Variants in GSAP observed in about 807,000 individuals in gnomAD.
GSAP encodes the protein gamma-secretase-activating protein.
Under a neutral mutation model 131.7 loss-of-function variants are expected in GSAP, and 118 were observed. The ratio of observed to expected loss-of-function variants is 0.90; its 90% confidence interval spans 0.77 to 1.04. GSAP has a LOEUF of 1.04. Ranked by LOEUF, GSAP falls within the 50% of genes least tolerant of loss-of-function variation. The probability of loss-of-function intolerance (pLI) is 0.00; values close to 1 mark genes in which losing one functional copy is unlikely to be tolerated. For missense variants in GSAP, 1,019 were observed against 1,013.2 expected (o/e 1.01, Z -0.08); for synonymous variants, 381 against 363.4 (o/e 1.05, Z -0.55).
intron 5 of GSAP, among the ~76,000 whole-genome samples, chr7:77,393,034 C>G (rs909039498): frequency 4.6e-5 from 7 of 151,854 alleles, no homozygotes; most frequent in Admixed American, 4.6e-4. Flanking sequence ...ACTCTGCCAT[C>G]TCTACAGCCA....
At chr7:77,395,860 G>A (rs986469495) in intron 5 of GSAP, among the ~76,000 whole-genome samples, 2 of 152,200 alleles carry the variant, frequency 1.3e-5, no homozygotes, top group African/African-American at 4.8e-5. Flanking sequence ...AGGAATTTAA[G>A]TGTCAAATAA....
chr7:77,351,535 C>T, intron 18 of GSAP: 2 of 984,614 alleles, frequency 2.0e-6, no homozygotes, highest in South Asian at 9.4e-5. Flanking sequence ...TTAAGGTAAC[C>T]TAGTCCAACC....
chr7:77,405,358 T>G (rs1462350025), intron 2 of GSAP, among the ~76,000 whole-genome samples: 1 of 152,298 alleles, frequency 6.6e-6, no homozygotes, highest in East Asian at 1.9e-4. Flanking sequence ...CTGAAGAGAG[T>G]AATCATATTT....
intron 26 of GSAP, among the ~76,000 whole-genome samples, 166 bp downstream of exon 26, chr7:77,320,559 C>G (rs764610078): frequency 6.6e-6 from 1 of 152,174 alleles, no homozygotes; most frequent in Non-Finnish European, 1.5e-5. Context: ...CAGAGGAGCT[C>G]TGGTCAGCAG....
chr7:77,351,050 C>T, intron 18 of GSAP: 2 of 797,362 alleles, frequency 2.5e-6, no homozygotes, highest in Non-Finnish European at 3.0e-6. Context: ...TGATATTTGT[C>T]TATAATTTAA....
chr7:77,380,716 A>G (rs544080209), intron 8 of GSAP, among the ~76,000 whole-genome samples: 1 of 152,264 alleles, frequency 6.6e-6, no homozygotes, highest in East Asian at 1.9e-4. Flanking sequence ...ATTAAAAAAA[A>G]AAGTACATGT....
Position 77,381,838 on chromosome 7 carries a change from A to G in GSAP, c.527-484T>C, listed in dbSNP as rs1057219279. 9.2e-5 allele frequency among the ~76,000 whole-genome samples: 14 copies of G among 151,944 alleles called. No individual in the cohort carries two copies. In the East Asian group the frequency reaches 1.2e-3, roughly 13 times the overall value. The stretch of plus-strand genomic sequence containing the variant: ...ATTTCATGTGAACAAAACCCTGAAC[A>G]CTAAAGACAATCTGTGTAGATGGTC... On this transcript the variant is annotated intron_variant, in intron 7 of 30. Coordinates refer to ENST00000257626, the MANE Select transcript of GSAP (RefSeq NM_017439.4).
intron 5 of GSAP, among the ~76,000 whole-genome samples, chr7:77,396,695 C>T (rs1278569730): frequency 1.3e-5 from 2 of 152,104 alleles, no homozygotes; most frequent in African/African-American, 2.4e-5. Context: ...TTTATACCAA[C>T]ATCTGACCAT....
At chr7:77,407,925 GAATT>G (rs773089475) in intron 1 of GSAP, among the ~76,000 whole-genome samples, 22 of 152,220 alleles carry the variant, frequency 1.4e-4, no homozygotes, top group African/African-American at 5.1e-4. Flanking sequence ...ACAAAACAAT[GAATT>G]AATATTCTGC....
At chr7:77,331,370 C>T (rs1789132625) in intron 19 of GSAP, among the ~76,000 whole-genome samples, 1 of 152,150 alleles carries the variant, frequency 6.6e-6, no homozygotes, top group South Asian at 2.1e-4. Flanking sequence ...GGTTTTAAAC[C>T]AATAAAGGTA....
At chr7:77,354,757 G>A (rs1793404366) in intron 16 of GSAP, among the ~76,000 whole-genome samples, 1 of 151,402 alleles carries the variant, frequency 6.6e-6, no homozygotes, top group Admixed American at 6.6e-5. Context: ...GACTTCACAG[G>A]ATAGCTGTAA....
chr7:77,412,919 G>A (rs1012451518), intron 1 of GSAP, among the ~76,000 whole-genome samples: 2 of 152,098 alleles, frequency 1.3e-5, no homozygotes, highest in Non-Finnish European at 2.9e-5. Context: ...CAGGAAAGAC[G>A]AAGATGTGCA....
At chr7:77,381,815 T>C (rs1393636501) in intron 7 of GSAP, among the ~76,000 whole-genome samples, 1 of 151,884 alleles carries the variant, frequency 6.6e-6, no homozygotes, top group African/African-American at 2.4e-5. Context: ...AGAGGTCAAT[T>C]TCATGTGAAC....
rs1156743881 is a variant in GSAP at position 77,319,356 on chromosome 7, C to G, written c.2089+1369G>C. Among the ~76,000 whole-genome samples, 4 of 152,136 alleles carry G rather than the reference C, an allele frequency of 2.6e-5. No individual in the cohort carries two copies. The East Asian group carries it at 7.7e-4, about 29-fold the overall frequency. On this transcript the variant is annotated intron_variant, in intron 26 of 30. Coordinates refer to ENST00000257626, the MANE Select transcript of GSAP (RefSeq NM_017439.4). ...TCAAAACCACAATGAGGTATCACCT[C>G]ACATCTCTCAGGTTGGCTACTATCA...
Position 77,396,967 on chromosome 7 carries a change from G to A in GSAP, c.367+15C>T. ...TTCATCTACCCATAGGTACTAAAAA[G>A]TGTAATTTCATTACCTGGTTGAAGT... On this transcript the variant is annotated intron_variant, in intron 5 of 30. Transcript: ENST00000257626. 1 of 1,510,858 alleles carries A rather than the reference G, an allele frequency of 6.6e-7. No homozygotes were observed. Among genetic ancestry groups the A allele is most frequent in the Non-Finnish European group, 9.2e-7 (1 of 1,091,174 alleles). The allele number at this position is 1,510,858 out of a possible 1,614,324, so 93.6% of individuals were successfully genotyped here. A position where few individuals can be genotyped will look rare whatever the true frequency, so the allele number is the denominator to read the frequency against.
intron 5 of GSAP, among the ~76,000 whole-genome samples, chr7:77,392,531 G>C (rs1799749334): frequency 6.6e-6 from 1 of 152,172 alleles, no homozygotes; most frequent in Non-Finnish European, 1.5e-5. Flanking sequence ...CTGGGTGACA[G>C]AGCAAGGCAC....
At chr7:77,320,343 T>A (rs557947806) in intron 26 of GSAP, among the ~76,000 whole-genome samples, 7 of 152,340 alleles carry the variant, frequency 4.6e-5, no homozygotes, top group African/African-American at 1.7e-4. Context: ...TCCAAGCGTA[T>A]AAGAATCAGT....
chr7:77,318,980 G>A (rs1236097109), intron 26 of GSAP, among the ~76,000 whole-genome samples: 1 of 151,628 alleles, frequency 6.6e-6, no homozygotes, highest in African/African-American at 2.4e-5. Flanking sequence ...ATGAGTTAAT[G>A]GATGCAGCAT....
In GSAP at chr7:77,312,927, T is replaced by C. The variant is rs151221084; in HGVS notation, c.2271+561A>G. Among the ~76,000 whole-genome samples, 89 of 152,372 alleles carry C rather than the reference T, an allele frequency of 5.8e-4. 2 individuals are homozygous for C. The East Asian group carries it at 0.011, about 19-fold the overall frequency. ...CATATTTTCATAGTATCTCTGACTC[T>C]AAGTGTTGATATTCCCTTGTGTTTC... On this transcript the variant is annotated intron_variant, in intron 28 of 30. Coordinates refer to ENST00000257626, the MANE Select transcript of GSAP (RefSeq NM_017439.4).
Sources: allele counts gnomAD v4.1 joint callset (sites outside exome capture counted in the v4.1 genomes callset), GRCh38; gene constraint gnomAD v4.1.1; transcripts MANE v1.5; gene names NCBI Gene and HGNC (gene_info 2026-07-23, HGNC 2026-07-21).